Variants in NRG1 observed in about 807,000 individuals in gnomAD.
NRG1 encodes pro-neuregulin-1, membrane-bound isoform.
A neutral mutation model predicts 63.8 loss-of-function variants in NRG1; 18 were observed. That is an observed-to-expected ratio of 0.28 (90% CI 0.19 to 0.42). The LOEUF (loss-of-function observed/expected upper bound fraction) is 0.42. NRG1 is among the 10% of genes least tolerant of loss of function. NRG1 has a pLI of 1.00. For synonymous variants in NRG1, 302 were observed against 301.3 expected, an observed-to-expected ratio of 1.00 and a Z score of -0.02; for missense variants, 762 against 814.7, an observed-to-expected ratio of 0.94 and a Z score of 0.79.
intron 1 of NRG1, among the ~76,000 whole-genome samples, chr8:31,859,924 C>T (rs974395723): frequency 7.2e-5 from 11 of 152,120 alleles, no homozygotes; most frequent in African/African-American, 2.7e-4. Flanking sequence ...GGAAAATAAG[C>T]CTGCTTAGTT....
intron 1 of NRG1, among the ~76,000 whole-genome samples, chr8:32,268,276 C>A (rs893120424): frequency 1.3e-5 from 2 of 152,162 alleles, no homozygotes; most frequent in South Asian, 4.1e-4. Context: ...ACAAGCATAA[C>A]TGAGTCAGGA....
chr8:32,634,099 T>TGAAAAAAAAAAAAA (rs1850844839), intron 5 of NRG1, among the ~76,000 whole-genome samples: 1 of 86,796 alleles, frequency 1.2e-5, no homozygotes, highest in Non-Finnish European at 2.0e-5. Flanking sequence ...GATCTTGTCT[T>TGAAAAAAAAAAAAA]AAAAAAAAAA....
chr8:32,579,908 G>A (rs985989690), intron 1 of NRG1, among the ~76,000 whole-genome samples: 3 of 151,974 alleles, frequency 2.0e-5, no homozygotes, highest in South Asian at 4.1e-4. Flanking sequence ...TGCCTTTTTC[G>A]GCTTCTAGAG....
chr8:32,005,825 C>T (rs1373490637), intron 1 of NRG1, among the ~76,000 whole-genome samples: 1 of 151,916 alleles, frequency 6.6e-6, no homozygotes, highest in Admixed American at 6.6e-5. Flanking sequence ...GATATCAGTT[C>T]CATTTTGTTG....
intron 1 of NRG1, among the ~76,000 whole-genome samples, chr8:32,177,845 G>T (rs1190601819): frequency 2.6e-5 from 4 of 152,060 alleles, no homozygotes; most frequent in African/African-American, 9.7e-5. Context: ...GAATAATTGA[G>T]AAGTTTGCAG....
chr8:32,544,504 T>C (rs1435843293), upstream of NRG1, among the ~76,000 whole-genome samples: 1 of 149,564 alleles, frequency 6.7e-6, no homozygotes, highest in Non-Finnish European at 1.5e-5. Context: ...TATTTATTTA[T>C]TTATTTATTT....
chr8:32,567,258 G>C (rs1433569230), intron 1 of NRG1, among the ~76,000 whole-genome samples: 1 of 152,156 alleles, frequency 6.6e-6, no homozygotes, highest in African/African-American at 2.4e-5. Flanking sequence ...GGGAAGGGAT[G>C]GACTTTATAA....
At chr8:32,756,025 A>G (rs1829614786) in intron 8 of NRG1, among the ~76,000 whole-genome samples, 1 of 152,198 alleles carries the variant, frequency 6.6e-6, no homozygotes. Context: ...TACAGGAATG[A>G]GCCACCCCAC....
chr8:32,424,143 T>C (rs148496577), intron 1 of NRG1, among the ~76,000 whole-genome samples: 146 of 152,276 alleles, frequency 9.6e-4, no homozygotes, highest in African/African-American at 3.4e-3. Flanking sequence ...TCTCAAACTC[T>C]TTTTCCTTTG....
At chr8:31,857,488 A>G (rs1828028248) in intron 1 of NRG1, among the ~76,000 whole-genome samples, 1 of 152,134 alleles carries the variant, frequency 6.6e-6, no homozygotes, top group Admixed American at 6.5e-5. Flanking sequence ...GGGTATGCGC[A>G]CCCACTGACC....
Position 32,087,748 on chromosome 8 carries a change from C to T in NRG1, c.37+448317C>T, listed in dbSNP as rs542496952. ...GCTCCCAAAGTGCTGGGATTACAGG[C>T]GTGAGGCGCTGCGCCTAACCATATT... On this transcript the variant is annotated intron_variant, in intron 1 of 10. Coordinates refer to the NRG1 transcript ENST00000519301. 5.6e-4 allele frequency among the ~76,000 whole-genome samples: 86 copies of T among 152,238 alleles called. No homozygotes were observed. The South Asian group carries it at 0.016, about 29-fold the overall frequency.
chr8:32,563,425 T>G (rs1321262700), intron 1 of NRG1, among the ~76,000 whole-genome samples: 1 of 152,200 alleles, frequency 6.6e-6, no homozygotes, highest in Non-Finnish European at 1.5e-5. Flanking sequence ...TTTGTTTAGG[T>G]ATGTGAATTG....
At chr8:32,337,652 G>GTGAAAAAAAAA (rs1803447672) in intron 1 of NRG1, among the ~76,000 whole-genome samples, 1 of 5,942 alleles carries the variant, frequency 1.7e-4, no homozygotes, top group African/African-American at 7.8e-4. Flanking sequence ...AAGAGTTATT[G>GTGAAAAAAAAA]CAAAAAAAAA....
At chr8:31,802,209 A>G (rs1030966092) in intron 1 of NRG1, among the ~76,000 whole-genome samples, 1 of 152,196 alleles carries the variant, frequency 6.6e-6, no homozygotes, top group Non-Finnish European at 1.5e-5. Context: ...AAATATTTTT[A>G]AAGTTAATTA....
At chr8:31,855,776 C>A (rs1284404538) in intron 1 of NRG1, among the ~76,000 whole-genome samples, 1 of 152,092 alleles carries the variant, frequency 6.6e-6, no homozygotes, top group Non-Finnish European at 1.5e-5. Context: ...ATGTTTAGCG[C>A]TTCCTTCAGG....
chr8:31,881,125 C>T (rs1830315217), intron 1 of NRG1, among the ~76,000 whole-genome samples: 1 of 152,044 alleles, frequency 6.6e-6, no homozygotes, highest in Non-Finnish European at 1.5e-5. Flanking sequence ...GGTTTTATTG[C>T]ACTTTGCTTT....
chr8:32,357,544 A>T (rs572407278), intron 1 of NRG1, among the ~76,000 whole-genome samples: 4 of 152,226 alleles, frequency 2.6e-5, no homozygotes, highest in South Asian at 4.1e-4. Context: ...TTTTTTCATC[A>T]TGTCCTGCTT....
At chr8:32,545,817 A>C (rs1280618295), upstream of NRG1, among the ~76,000 whole-genome samples, 2 of 152,210 alleles carry the variant, frequency 1.3e-5, no homozygotes, top group Non-Finnish European at 2.9e-5. Flanking sequence ...GATAACTAAA[A>C]TGTAACTCGA....
chr8:32,551,169 G>A (rs1326961679), intron 1 of NRG1, among the ~76,000 whole-genome samples: 1 of 152,166 alleles, frequency 6.6e-6, no homozygotes, highest in Non-Finnish European at 1.5e-5. Context: ...AATGGTTTGT[G>A]AGAAAAACCC....
Sources: gnomAD v4.1 joint callset for allele counts (sites outside exome capture counted in the v4.1 genomes callset) on GRCh38, gnomAD v4.1.1 for gene constraint, MANE v1.5 for transcripts, NCBI Gene and HGNC (gene_info 2026-07-23, HGNC 2026-07-21) for gene names.